The following RASSF6 variants were observed in gnomAD, a reference collection of about 807,000 sequenced individuals.
The protein encoded by RASSF6 is Ras association domain family member 6.
Under a neutral mutation model 44.0 loss-of-function variants are expected in RASSF6, and 52 were observed. The ratio of observed to expected loss-of-function variants is 1.18; its 90% CI spans 0.95 to 1.49. The LOEUF (loss-of-function observed/expected upper bound fraction) is 1.49, where lower values mean the gene tolerates loss of function less well. RASSF6 is among the 40% of genes most tolerant of loss of function. RASSF6 has a pLI of 0.00. For missense variants in RASSF6, 464 were observed against 393.3 expected, an observed-to-expected ratio of 1.18 and a Z score of -1.52; for synonymous variants, 162 against 124.6, an observed-to-expected ratio of 1.30 and a Z score of -2.00.
chr4:73,588,414 A>G (rs1724272458), intron 4 of RASSF6, among the ~76,000 whole-genome samples: 1 of 152,118 alleles, frequency 6.6e-6, no homozygotes, highest in African/African-American at 2.4e-5. Flanking sequence ...GCCCTTGACT[A>G]CCATGAAGAA....
In RASSF6 at chr4:73,585,308, A is replaced by T. The variant is rs1163564438; in HGVS notation, c.439T>A (p.Ser147Thr). 1 of 1,608,752 alleles carries T rather than the reference A, an allele frequency of 6.2e-7. No homozygotes were observed. The highest frequency in any genetic ancestry group is 8.5e-7 in the Non-Finnish European group (1 of 1,177,348). The change falls in exon 6 of 11, where the codon TCC (serine) becomes ACC (threonine). Residue 147 changes from serine (S) to threonine (T), a missense_variant. Transcript: ENST00000307439. Reference sequence around the variant, plus strand: ...CTCATGGTTCTATAGAGCACTGGGGAGTCTGGTTCATCCTTTGCATGTGGC... The same window carrying T: ...CTCATGGTTCTATAGAGCACTGGGGTGTCTGGTTCATCCTTTGCATGTGGC... ...LKPHAKDEPD[S>T]PVLYRTMSEA...
In RASSF6 at chr4:73,576,240, CTGT is replaced by C; in HGVS notation, c.1006_1008del (p.Thr336del). On this transcript the variant is annotated inframe_deletion, in exon 11 of 11. Coordinates refer to ENST00000307439, the MANE Select transcript of RASSF6 (RefSeq NM_177532.5). The stretch of plus-strand genomic sequence containing the variant: ...AGCAATAGAAGCTTGTACTGCTAAA[CTGT>C]TGTCTCTGTTTTTATTACTAGTTTA... 1 of 1,538,414 alleles carries C rather than the reference CTGT, an allele frequency of 6.5e-7. No individual in the cohort carries two copies. Among genetic ancestry groups the C allele is most frequent in the Non-Finnish European group, 8.9e-7 (1 of 1,117,926 alleles).
At chr4:73,593,658 C>G in intron 3 of RASSF6, 65 bp from the exon 4 acceptor site, 4 of 1,503,930 alleles carry the variant, frequency 2.7e-6, no homozygotes, top group South Asian at 2.5e-5. Flanking sequence ...AATGTTTTAA[C>G]GAAGATGTAG....
At chr4:73,601,289 TCAC>T (rs1725261591) in intron 2 of RASSF6, among the ~76,000 whole-genome samples, 1 of 152,226 alleles carries the variant, frequency 6.6e-6, no homozygotes, top group South Asian at 2.1e-4. Context: ...TATTGGAATA[TCAC>T]CACACTAATT....
intron 2 of RASSF6, among the ~76,000 whole-genome samples, chr4:73,607,240 C>G (rs1725705878): frequency 6.6e-6 from 1 of 152,136 alleles, no homozygotes; most frequent in Non-Finnish European, 1.5e-5. Flanking sequence ...GGGATAAAAC[C>G]CCCACACCGT....
chr4:73,595,047 G>T (rs1724835458), intron 3 of RASSF6, among the ~76,000 whole-genome samples: 1 of 152,172 alleles, frequency 6.6e-6, no homozygotes, highest in Admixed American at 6.5e-5. Flanking sequence ...CTTTTAAACA[G>T]TGTCAGAAGA....
intron 8 of RASSF6, 32 bp from the exon 9 acceptor site, chr4:73,576,763 G>T: frequency 1.6e-6 from 2 of 1,255,566 alleles, no homozygotes; most frequent in Non-Finnish European, 1.1e-6. Flanking sequence ...ACCACAATCA[G>T]AAGTTCATGC....
chr4:73,576,389 A>C (rs977155036), intron 10 of RASSF6, 21 bp downstream of exon 10: 2 of 1,483,094 alleles, frequency 1.3e-6, no homozygotes, highest in Non-Finnish European at 1.9e-6. Context: ...GGAGTATCCA[A>C]TGTGCATGCT....
intron 1 of RASSF6, among the ~76,000 whole-genome samples, chr4:73,613,074 C>T (rs1726135753): frequency 6.6e-6 from 1 of 152,170 alleles, no homozygotes; most frequent in South Asian, 2.1e-4. Context: ...TCCTTTGAAT[C>T]CACACTGTTG....
intron 2 of RASSF6, among the ~76,000 whole-genome samples, chr4:73,600,809 G>GT (rs1159451518): frequency 6.6e-6 from 1 of 152,130 alleles, no homozygotes; most frequent in Admixed American, 6.5e-5. Context: ...TAATGAACAT[G>GT]TCTCTTCTAA....
chr4:73,617,391 T>C (rs1726431585), intron 1 of RASSF6, among the ~76,000 whole-genome samples: 1 of 152,216 alleles, frequency 6.6e-6, no homozygotes, highest in South Asian at 2.1e-4. Context: ...ATTAAGGCAC[T>C]TAAGGCATCT....
chr4:73,612,618 A>G (rs927459354), intron 1 of RASSF6, among the ~76,000 whole-genome samples: 4 of 152,062 alleles, frequency 2.6e-5, no homozygotes, highest in African/African-American at 9.7e-5. Flanking sequence ...TCAGAGTACC[A>G]GGAAAAAAAG....
intron 3 of RASSF6, 48 bp downstream of exon 3, chr4:73,598,592 A>ATG (rs1491564126): frequency 1.8e-5 from 16 of 871,236 alleles, no homozygotes; most frequent in Admixed American, 4.8e-5. Context: ...GTGTGCACGC[A>ATG]TGTGTGTGTG....
chr4:73,581,871 G>A lies in RASSF6; in HGVS notation c.670-3C>T. ...AAATCCTGGGGACTATTTTCAATCT[G>A]TCAAGGGAAAAAATGAACAAATATA... is the stretch of plus-strand genomic sequence containing the variant. On this transcript the variant is annotated splice_polypyrimidine_tract_variant and splice_region_variant and intron_variant, in intron 7 of 10. Transcript: ENST00000307439. 6.2e-7 allele frequency: 1 copy of A among 1,606,960 alleles called. No homozygotes were observed. Among genetic ancestry groups the A allele is most frequent in the Non-Finnish European group, 8.5e-7 (1 of 1,174,426 alleles).
Position 73,611,783 on chromosome 4 carries a change from C to T in RASSF6, c.13G>A (p.Ala5Thr), listed in dbSNP as rs751692280. ...AAGATCCAAGAGGGGTACTGGTGAG[C>T]CATCATAGTCATCTTTTCCTCCTTT... MTMM[A>T]HQYPSWIFIN... The change falls in exon 2 of 11, where the codon GCT (alanine) becomes ACT (threonine). Residue 5 changes from alanine (A) to threonine (T), a missense_variant. Coordinates refer to ENST00000307439, the MANE Select transcript of RASSF6 (RefSeq NM_177532.5). The T allele has an allele frequency of 9.3e-6, 15 of 1,611,000 alleles. No individual in the cohort carries two copies. Among genetic ancestry groups the T allele is most frequent in the Admixed American group, 1.7e-5 (1 of 59,918 alleles).
intron 1 of RASSF6, among the ~76,000 whole-genome samples, chr4:73,613,911 G>T (rs998804998): frequency 6.6e-6 from 1 of 151,800 alleles, no homozygotes; most frequent in Non-Finnish European, 1.5e-5. Flanking sequence ...CCAGGTAATC[G>T]AATCTGTCTC....
Position 73,582,299 on chromosome 4 carries a change from A to G in RASSF6, c.568-9T>C. On this transcript the variant is annotated splice_polypyrimidine_tract_variant and intron_variant, in intron 6 of 10. Transcript: ENST00000307439. ...GGAATGAAAATTGATGTCTAGAAAA[A>G]GAATTGTCACATAAGTCTTTAAAAT... 2 of 1,439,210 alleles carry G rather than the reference A, an allele frequency of 1.4e-6. No homozygotes were observed. The highest frequency in any genetic ancestry group is 1.2e-5 in the South Asian group (1 of 82,534). 89.2% of individuals were successfully genotyped at this position (1,439,210 alleles called of 1,614,324 possible).
intron 1 of RASSF6, among the ~76,000 whole-genome samples, chr4:73,620,082 C>T (rs1334936995): frequency 6.6e-6 from 1 of 152,006 alleles, no homozygotes; most frequent in Non-Finnish European, 1.5e-5. Flanking sequence ...TCTTTCCCCT[C>T]TCTCCCTCCC....
intron 3 of RASSF6, among the ~76,000 whole-genome samples, chr4:73,596,760 G>T (rs912655423): frequency 4.6e-5 from 7 of 152,116 alleles, no homozygotes; most frequent in Non-Finnish European, 1.0e-4. Context: ...GCATGATACT[G>T]GTACGAGAAC....
Sources: gnomAD v4.1 joint callset for allele counts (sites outside exome capture counted in the v4.1 genomes callset) on GRCh38, gnomAD v4.1.1 for gene constraint, MANE v1.5 for transcripts, NCBI Gene and HGNC (gene_info 2026-07-23, HGNC 2026-07-21) for gene names.